Variants in MTMR3 observed in about 807,000 individuals in gnomAD.
MTMR3 encodes the protein myotubularin related protein 3, also known as phosphatidylinositol-3,5-bisphosphate 3-phosphatase MTMR3.
A neutral mutation model predicts 132.4 loss-of-function variants in MTMR3; 32 were observed. That is an observed-to-expected ratio of 0.24 (90% CI 0.18 to 0.32). The LOEUF (loss-of-function observed/expected upper bound fraction) is 0.32, where lower values mean the gene tolerates loss of function less well. Among genes scored for constraint, MTMR3 ranks in the 10% least tolerant of loss-of-function variants. The probability of loss-of-function intolerance (pLI) is 1.00; values close to 1 mark genes in which losing one functional copy is unlikely to be tolerated. For missense variants in MTMR3, 1,216 were observed against 1,489.6 expected, an observed-to-expected ratio of 0.82 and a Z score of 3.02; for synonymous variants, 556 against 550.3, an observed-to-expected ratio of 1.01 and a Z score of -0.14.
Position 29,979,045 on chromosome 22 carries a change from T to A in MTMR3, c.203T>A (p.Leu68His). 6.2e-7 allele frequency: 1 copy of A among 1,601,482 alleles called. No homozygotes were observed. The highest frequency in any genetic ancestry group is 8.6e-7 in the Non-Finnish European group (1 of 1,168,450). The stretch of plus-strand genomic sequence containing the variant: ...CTTCACATCAAGTTCAAGGAGTCTC[T>A]TGTTAATGTAAGTGATTACCAGCTG... ...YRLHIKFKES[L>H]VNVPLQLIES... Residue 68 changes from leucine to histidine, a missense_variant, in exon 5 of 20, where the codon CTT becomes CAT. By Grantham distance (99) the Leu-to-His change is moderately conservative. This residue lies in a region of MTMR3 where 81 missense variants were observed against 87.7 expected (regional missense o/e 0.92). Transcript: ENST00000401950.
chr22:29,970,945 T>TTTTTCTTCCCCCTCTTCCCCCCCCCCCCC, intron 2 of MTMR3, 31 bp from the exon 3 acceptor site: 1 of 756,724 alleles, frequency 1.3e-6, no homozygotes. Context: ...CTTTTTTTTT[T>TTTTTCTTCCCCCTCTTCCCCCCCCCCCCC]CTTCTTCCCC....
At chr22:29,953,097 C>A (rs536605473) in intron 1 of MTMR3, among the ~76,000 whole-genome samples, 1 of 152,100 alleles carries the variant, frequency 6.6e-6, no homozygotes, top group African/African-American at 2.4e-5. Flanking sequence ...ATTTTAACAG[C>A]GAAAGTGAAA....
intron 1 of MTMR3, among the ~76,000 whole-genome samples, chr22:29,911,630 T>G (rs551051736): frequency 1.3e-5 from 2 of 152,166 alleles, no homozygotes; most frequent in South Asian, 4.1e-4. Flanking sequence ...CCAGTATATT[T>G]AATGTTAGTC....
intron 1 of MTMR3, among the ~76,000 whole-genome samples, chr22:29,935,979 C>T (rs187447283): frequency 1.5e-3 from 229 of 152,076 alleles, no homozygotes; most frequent in Non-Finnish European, 2.4e-3. Context: ...GTCTGGATCT[C>T]CTGACCTCAT....
chr22:29,938,612 T>C (rs949228743), intron 1 of MTMR3, among the ~76,000 whole-genome samples: 1 of 152,210 alleles, frequency 6.6e-6, no homozygotes, highest in Non-Finnish European at 1.5e-5. Flanking sequence ...ATTTGGGGAC[T>C]TCCCTCAGCC....
At position 29,883,337 on chromosome 22, in the gene MTMR3, G is replaced by C. The variant is rs1956234831; in HGVS notation, c.-160G>C. 1 of 156,316 alleles carries C rather than the reference G, an allele frequency of 6.4e-6. No individual in the cohort carries two copies. The highest frequency in any genetic ancestry group is 1.8e-4 in the South Asian group (1 of 5,634). 9.7% of individuals were successfully genotyped at this position (156,316 alleles called of 1,614,324 possible). On this transcript the variant is annotated 5_prime_UTR_variant, in exon 1 of 20. Coordinates refer to ENST00000401950, the MANE Select transcript of MTMR3 (RefSeq NM_021090.4). ...GGAGGGGGAGACTGTGCCGTGGAGG[G>C]CCTCGCCATGTCCTGCTGCCCGGTA...
chr22:29,907,386 G>GC (rs1284052514), intron 1 of MTMR3, among the ~76,000 whole-genome samples: 1 of 149,076 alleles, frequency 6.7e-6, no homozygotes, highest in African/African-American at 2.6e-5. Flanking sequence ...GGGTGACAGA[G>GC]CAAGACTCTG....
rs1191639349 is a variant in MTMR3 at position 30,026,663 on chromosome 22, C to G, written c.*862C>G. 1 of 152,892 alleles carries G rather than the reference C, an allele frequency of 6.5e-6. No individual in the cohort carries two copies. The highest frequency in any genetic ancestry group is 1.5e-5 in the Non-Finnish European group (1 of 68,146). 9.5% of individuals were successfully genotyped at this position (152,892 alleles called of 1,614,324 possible). On this transcript the variant is annotated 3_prime_UTR_variant, in exon 20 of 20. Coordinates refer to ENST00000401950, the MANE Select transcript of MTMR3 (RefSeq NM_021090.4). The stretch of plus-strand genomic sequence containing the variant: ...AGTCAAGGCCAAAGCCTGCCCTGAG[C>G]CCAGACACACCTGGGTCCCCATTCT...
chr22:29,929,198 T>C (rs2065590054), intron 1 of MTMR3, among the ~76,000 whole-genome samples: 2 of 151,962 alleles, frequency 1.3e-5, no homozygotes, highest in South Asian at 2.1e-4. Flanking sequence ...GGAGAATCGC[T>C]TGAGCCTGGG....
intron 1 of MTMR3, among the ~76,000 whole-genome samples, chr22:29,905,043 ATTG>A (rs1178071575): frequency 1.3e-5 from 2 of 152,200 alleles, no homozygotes; most frequent in Admixed American, 6.5e-5. Flanking sequence ...TCTTAGAGCT[ATTG>A]TTACATCAGA....
intron 1 of MTMR3, among the ~76,000 whole-genome samples, chr22:29,887,762 G>A (rs2064707514): frequency 1.3e-5 from 2 of 152,094 alleles, no homozygotes; most frequent in African/African-American, 4.8e-5. Flanking sequence ...AAGTTCTAAG[G>A]CTGTGTTTTT....
At chr22:29,916,765 C>G (rs762872464) in intron 1 of MTMR3, among the ~76,000 whole-genome samples, 1 of 152,180 alleles carries the variant, frequency 6.6e-6, no homozygotes, top group Non-Finnish European at 1.5e-5. Context: ...CAGTGTTTTG[C>G]ACCATTTGTC....
chr22:30,025,868 A>C lies in MTMR3; in HGVS notation c.*67A>C. The C allele has an allele frequency of 6.4e-7, 1 of 1,553,646 alleles. No individual in the cohort carries two copies. The highest frequency in any genetic ancestry group is 2.2e-5 in the East Asian group (1 of 44,556). On this transcript the variant is annotated 3_prime_UTR_variant, in exon 20 of 20. Transcript: ENST00000401950. The stretch of plus-strand genomic sequence containing the variant: ...TATGACAGGCCCACTCAACCTGGGC[A>C]GACCGAGAGGCCCGTGCACTTTGGA...
intron 9 of MTMR3, chr22:30,005,065 A>C (rs927730448): frequency 6.6e-6 from 1 of 152,248 alleles, no homozygotes; most frequent in Non-Finnish European, 1.5e-5. Context: ...TCCTTTGTGC[A>C]TGTGGTGATT....
chr22:29,884,947 C>T (rs2064640413), intron 1 of MTMR3, among the ~76,000 whole-genome samples: 5 of 152,104 alleles, frequency 3.3e-5, no homozygotes, highest in Admixed American at 3.3e-4. Flanking sequence ...AGATTGGCTG[C>T]CTATGAATAC....
At chr22:30,007,476 C>T in intron 10 of MTMR3, 157 bp downstream of exon 10, 1 of 718,672 alleles carries the variant, frequency 1.4e-6, no homozygotes. Context: ...TGGGTCTTGG[C>T]AGAGAATCAG....
intron 2 of MTMR3, among the ~76,000 whole-genome samples, chr22:29,965,671 C>T (rs1363657699): frequency 1.3e-5 from 2 of 152,080 alleles, no homozygotes; most frequent in South Asian, 2.1e-4. Flanking sequence ...AGCGATAGAG[C>T]GAGACTCTGT....
rs117859443 is a variant in MTMR3 at position 29,930,683 on chromosome 22, G to A, written c.-137-26353G>A. On this transcript the variant is annotated intron_variant, in intron 1 of 19. Coordinates refer to ENST00000401950, the MANE Select transcript of MTMR3 (RefSeq NM_021090.4). The stretch of plus-strand genomic sequence containing the variant: ...CTCCAGCCTGGGCTACAGAGTGAGA[G>A]CCTGTCTTGAAAGAGAAAAAAGAAT... Among the ~76,000 whole-genome samples, 101 of 151,970 alleles carry A rather than the reference G, an allele frequency of 6.6e-4. 1 individual carries two copies. In the East Asian group the frequency reaches 0.012, roughly 19 times the overall value.
chr22:29,988,437 A>T (rs1601382936), intron 5 of MTMR3, 43 bp from the exon 6 acceptor site: 1 of 1,471,738 alleles, frequency 6.8e-7, no homozygotes, highest in African/African-American at 1.4e-5. Context: ...TCCAGGGTCA[A>T]TGCCTTTTTG....
Sources: allele counts gnomAD v4.1 joint callset (sites outside exome capture counted in the v4.1 genomes callset), GRCh38; gene constraint gnomAD v4.1.1; regional missense constraint gnomAD v4.1.1; transcripts MANE v1.5; gene names NCBI Gene and HGNC (gene_info 2026-07-23, HGNC 2026-07-21).